Variants in MICU1 observed in about 807,000 individuals in gnomAD.
MICU1 encodes calcium uptake protein 1, mitochondrial.
A neutral mutation model predicts 56.8 loss-of-function variants in MICU1; 45 were observed. That is an observed-to-expected ratio of 0.79 (90% confidence interval 0.62 to 1.02). The LOEUF is 1.02. MICU1 is among the 50% of genes least tolerant of loss of function. The probability of loss-of-function intolerance (pLI) is 0.00; values close to 1 mark genes in which losing one functional copy is unlikely to be tolerated. For synonymous variants in MICU1, 186 were observed against 195.1 expected, an observed-to-expected ratio of 0.95 and a Z score of 0.39; for missense variants, 504 against 587.1, an observed-to-expected ratio of 0.86 and a Z score of 1.46.
At chr10:72,600,965 A>G (rs1841516367) in intron 1 of MICU1, among the ~76,000 whole-genome samples, 1 of 152,214 alleles carries the variant, frequency 6.6e-6, no homozygotes, top group Non-Finnish European at 1.5e-5. Flanking sequence ...GTGATAACAG[A>G]TAATGATTAT....
chr10:72,590,142 T>C (rs1409810877), intron 1 of MICU1, among the ~76,000 whole-genome samples: 1 of 152,108 alleles, frequency 6.6e-6, no homozygotes, highest in African/African-American at 2.4e-5. Flanking sequence ...ATGACTTAAC[T>C]ACGTACTGTC....
chr10:72,575,354 T>A (rs1184208724), intron 1 of MICU1, among the ~76,000 whole-genome samples: 1 of 152,236 alleles, frequency 6.6e-6, no homozygotes, highest in South Asian at 2.1e-4. Flanking sequence ...TAGCTTTAAT[T>A]GTACAAATAA....
chr10:72,531,415 CAA>C (rs1471500690), intron 5 of MICU1: 2 of 151,926 alleles, frequency 1.3e-5, no homozygotes, highest in South Asian at 2.1e-4. Context: ...GATGAGAGAA[CAA>C]AAGAGTCATG....
At chr10:72,447,169 A>G (rs970846375) in intron 8 of MICU1, among the ~76,000 whole-genome samples, 1 of 152,198 alleles carries the variant, frequency 6.6e-6, no homozygotes, top group Non-Finnish European at 1.5e-5. Flanking sequence ...AAACAGGAGC[A>G]GTAGGGACAA....
At chr10:72,526,515 C>T (rs918947307) in intron 5 of MICU1, among the ~76,000 whole-genome samples, 16 of 152,090 alleles carry the variant, frequency 1.1e-4, no homozygotes, top group South Asian at 2.1e-4. Flanking sequence ...AGGCTGGTCT[C>T]GAACTCCTGA....
At chr10:72,479,966 G>T (rs190548945) in intron 6 of MICU1, among the ~76,000 whole-genome samples, 1 of 152,208 alleles carries the variant, frequency 6.6e-6, no homozygotes, top group Admixed American at 6.5e-5. Context: ...ACTTGAGAAT[G>T]TAACAATGGC....
At chr10:72,544,531 G>A (rs1203855833) in intron 4 of MICU1, among the ~76,000 whole-genome samples, 2 of 152,236 alleles carry the variant, frequency 1.3e-5, no homozygotes, top group African/African-American at 2.4e-5. Context: ...GATCCTCTTT[G>A]CAATAGGCTA....
At chr10:72,502,169 T>G (rs1368881800) in intron 6 of MICU1, among the ~76,000 whole-genome samples, 2 of 150,474 alleles carry the variant, frequency 1.3e-5, no homozygotes, top group Non-Finnish European at 3.0e-5. Context: ...TTTTTTTTTT[T>G]TTTTTGAGTC....
Position 72,535,417 on chromosome 10 carries a change from T to C in MICU1, c.494-1628A>G, listed in dbSNP as rs530155362. On this transcript the variant is annotated intron_variant, in intron 4 of 11. Coordinates refer to ENST00000361114, the MANE Select transcript of MICU1 (RefSeq NM_001195518.2). ...TGCCAAAGGACAGCGGGATAGAAAATAGAAAATATAAGATAGAATTATAGA... is the reference window on the plus strand; with the variant it reads ...TGCCAAAGGACAGCGGGATAGAAAACAGAAAATATAAGATAGAATTATAGA... Among the ~76,000 whole-genome samples the C allele has an allele frequency of 6.6e-5, 10 of 151,902 alleles. No homozygotes were observed. The East Asian group carries it at 1.7e-3, about 26-fold the overall frequency.
chr10:72,577,130 C>A (rs1159627011), intron 1 of MICU1, among the ~76,000 whole-genome samples: 1 of 151,922 alleles, frequency 6.6e-6, no homozygotes. Context: ...GGGAGCTAAG[C>A]TATGAGGGCA....
chr10:72,368,142 C>A lies in MICU1; in HGVS notation c.*53G>T. 2 of 1,562,176 alleles carry A rather than the reference C, an allele frequency of 1.3e-6. No homozygotes were observed. The highest frequency in any genetic ancestry group is 1.7e-6 in the Non-Finnish European group (2 of 1,145,412). ...CACAAAGGGCTCTGCCGAGACTCTG[C>A]GGAGGGGGTCCAGGGTACTGGGGGT... On this transcript the variant is annotated 3_prime_UTR_variant, in exon 12 of 12. Coordinates refer to ENST00000361114, the MANE Select transcript of MICU1 (RefSeq NM_001195518.2).
intron 9 of MICU1, among the ~76,000 whole-genome samples, chr10:72,413,464 G>A (rs548786902): frequency 6.6e-6 from 1 of 152,324 alleles, no homozygotes; most frequent in South Asian, 2.1e-4. Context: ...CGGGCGCAGT[G>A]GCTCACACCT....
intron 8 of MICU1, among the ~76,000 whole-genome samples, chr10:72,446,157 C>A (rs1298110094): frequency 6.6e-6 from 1 of 151,726 alleles, no homozygotes; most frequent in African/African-American, 2.4e-5. Context: ...CTTGATGGCT[C>A]GGAGGACAAT....
chr10:72,523,732 G>T, intron 5 of MICU1: 1 of 1,058,294 alleles, frequency 9.4e-7, no homozygotes, highest in Non-Finnish European at 1.3e-6. Context: ...ATATTTTAAT[G>T]AATAAATTTT....
chr10:72,490,130 C>A lies in MICU1; in HGVS notation c.653-12874G>T, dbSNP rs115576036. Among the ~76,000 whole-genome samples the A allele has an allele frequency of 2.1e-3, 313 of 152,314 alleles. 1 individual carries two copies. The highest frequency in any genetic ancestry group is 6.7e-3 in the African/African-American group (279 of 41,562). ...GAGAAGGACAATATTCATTTACACA[C>A]AGGACTTAAGACGCACTTTTAAAAT... On this transcript the variant is annotated intron_variant, in intron 6 of 11. Transcript: ENST00000361114.
intron 1 of MICU1, among the ~76,000 whole-genome samples, chr10:72,569,237 AT>A (rs1178823534): frequency 3.5e-4 from 12 of 34,378 alleles, no homozygotes; most frequent in African/African-American, 1.3e-3. Context: ...ATATATATAT[AT>A]TTTTTTTTTT....
At chr10:72,599,241 G>A (rs955079785) in intron 1 of MICU1, among the ~76,000 whole-genome samples, 14 of 152,016 alleles carry the variant, frequency 9.2e-5, no homozygotes, top group African/African-American at 3.1e-4. Context: ...ACAATAATGT[G>A]TATAACAATG....
At chr10:72,581,803 T>C (rs921718086) in intron 1 of MICU1, among the ~76,000 whole-genome samples, 7 of 152,206 alleles carry the variant, frequency 4.6e-5, no homozygotes, top group African/African-American at 1.7e-4. Context: ...GGTGCATCTT[T>C]TTATTTTGTC....
chr10:72,415,102 G>A (rs1410841814), intron 9 of MICU1, among the ~76,000 whole-genome samples: 4 of 146,036 alleles, frequency 2.7e-5, no homozygotes, highest in Non-Finnish European at 4.5e-5. Context: ...TGCAACCTTC[G>A]CCTTCCAAGT....
Sources: allele counts gnomAD v4.1 joint callset (sites outside exome capture counted in the v4.1 genomes callset), GRCh38; gene constraint gnomAD v4.1.1; transcripts MANE v1.5; gene names NCBI Gene and HGNC (gene_info 2026-07-23, HGNC 2026-07-21).